Variants in PJA1 observed in about 807,000 individuals in gnomAD.
The protein encoded by PJA1 is E3 ubiquitin-protein ligase Praja-1.
A neutral mutation model predicts 14.1 loss-of-function variants in PJA1; 5 were observed. That is an observed-to-expected ratio of 0.35 (90% confidence interval 0.18 to 0.74). The LOEUF (loss-of-function observed/expected upper bound fraction) is 0.74, where lower values mean the gene tolerates loss of function less well. PJA1 is among the 30% of genes least tolerant of loss of function. The probability of loss-of-function intolerance (pLI) is 0.56; values close to 1 mark genes in which losing one functional copy is unlikely to be tolerated. For missense variants in PJA1, 394 were observed against 482.6 expected, an observed-to-expected ratio of 0.82 and a Z score of 1.72; for synonymous variants, 174 against 190.9, an observed-to-expected ratio of 0.91 and a Z score of 0.73.
intron 1 of PJA1, 135 bp from the exon 2 acceptor site, chrX:69,163,275 C>T: frequency 2.6e-6 from 3 of 1,175,889 alleles, no homozygotes; most frequent in Non-Finnish European, 3.4e-6. Context: ...ACAGCTGGGG[C>T]TCGGGTAGGA....
chrX:69,164,035 G>A (rs1347081343), intron 1 of PJA1, among the ~76,000 whole-genome samples: 1 of 110,493 alleles, frequency 9.1e-6, no homozygotes, highest in Non-Finnish European at 1.9e-5. Context: ...GTTGGCAATG[G>A]AGAGGAGTGT....
At position 69,161,989 on chromosome X, in the gene PJA1, G is replaced by A. The variant is rs144546602; in HGVS notation, c.1085C>T (p.Pro362Leu). 5.5e-5 allele frequency: 67 copies of A among 1,207,887 alleles called. 1 individual carries two copies. The African/African-American group carries it at 1.1e-3, about 20-fold the overall frequency. Residue 362 changes from proline (P) to leucine (L), a missense_variant, in exon 2 of 2, where the codon CCT becomes CTT. By Grantham distance (98) the Pro-to-Leu change is moderately conservative. Around this residue, in one of 2 missense-constraint regions of PJA1, gnomAD observed 378 missense variants for 439.3 expected, o/e 0.86. Coordinates refer to ENST00000374571, the MANE Select transcript of PJA1 (RefSeq NM_001032396.4). ...AKVSASTGTSPGPGASASAGA... is the reference protein window; with the variant it reads ...AKVSASTGTSLGPGASASAGA... Reference sequence around the variant, plus strand: ...GGCACTGGCACTAGCACCGGGGCCAGGGCTGGTGCCAGTGCTGGCACTCAC... The same window carrying A: ...GGCACTGGCACTAGCACCGGGGCCAAGGCTGGTGCCAGTGCTGGCACTCAC...
intron 1 of PJA1, among the ~76,000 whole-genome samples, chrX:69,164,985 G>C (rs973706928): frequency 3.6e-5 from 4 of 111,831 alleles, no homozygotes. Flanking sequence ...AATATGGGAA[G>C]AAAGGCCACG....
rs143670774 is a variant in PJA1, at chrX:69,161,954, C to T, written c.1120G>A (p.Ala374Thr). 11,884 of 1,207,340 alleles carry T rather than the reference C, an allele frequency of 9.8e-3. 45 individuals carry two copies. Among genetic ancestry groups the T allele is most frequent in the Middle Eastern group, 0.015 (67 of 4,341 alleles). The change falls in exon 2 of 2, where the codon GCC becomes ACC. Residue 374 changes from alanine (A) to threonine (T), a missense_variant. Physicochemically the swap from Ala to Thr is moderately conservative, Grantham distance 58. Around this residue, in one of 2 missense-constraint regions of PJA1, gnomAD observed 378 missense variants for 439.3 expected, o/e 0.86. Transcript: ENST00000374571. ...PGASASAGAGAGASAGSNGSN... is the reference protein window; with the variant it reads ...PGASASAGAGTGASAGSNGSN... ...CCATTGCTGCCAGCACTGGCCCCGG[C>T]GCCAGCCCCGGCACTGGCACTAGCA... is the stretch of plus-strand genomic sequence containing the variant.
chrX:69,163,569 G>T (rs1045502664), intron 1 of PJA1: 16 of 241,886 alleles, frequency 6.6e-5, no homozygotes, highest in African/African-American at 4.0e-4. Flanking sequence ...GTGACTGGAC[G>T]CTTGGAAGGT....
chrX:69,161,628 G>A lies in PJA1; in HGVS notation c.1446C>T (p.Tyr482=). Reference sequence around the variant, plus strand: ...GGGCCAGGCGTTCTTCAAGTGCCATGTAGGTGAGGAACTGAGGGTCCACAT... The same window carrying A: ...GGGCCAGGCGTTCTTCAAGTGCCATATAGGTGAGGAACTGAGGGTCCACAT... ...ISYVDPQFLT[Y]MALEERLAQA... is the part of the protein sequence containing the mutation. Residue 482 remains tyrosine (Y), a synonymous_variant, in exon 2 of 2, where the codon TAC becomes TAT. Transcript: ENST00000374571. 1 of 1,211,697 alleles carries A rather than the reference G, an allele frequency of 8.3e-7. No individual in the cohort carries two copies. The highest frequency in any genetic ancestry group is 1.1e-6 in the Non-Finnish European group (1 of 895,546).
rs376896663 is a variant in PJA1, at chrX:69,162,458, T to C, written c.616A>G (p.Arg206Gly). The stretch of plus-strand genomic sequence containing the variant: ...ACGCAGTTTGGACTTGCCAGGTTTC[T>C]GATTTTGGGCCTGACCACAGGTTCC... ...AEEPVVRPKI[R>G]NLASPNCVKP... is the part of the protein sequence containing the mutation. Residue 206 changes from arginine (R) to glycine (G), a missense_variant, in exon 2 of 2, where the codon AGA becomes GGA. Arg to Gly is a moderately radical substitution (Grantham distance 125). Transcript: ENST00000374571. 1.7e-6 allele frequency: 2 copies of C among 1,211,927 alleles called. No homozygotes were observed. The highest frequency in any genetic ancestry group is 2.2e-6 in the Non-Finnish European group (2 of 895,603).
At position 69,161,550 on chromosome X, in the gene PJA1, C is replaced by T. The variant is rs1925020040; in HGVS notation, c.1524G>A (p.Glu508=). Residue 508 remains glutamate, a synonymous_variant, in exon 2 of 2, where the codon GAG becomes GAA. Transcript: ENST00000374571. The stretch of plus-strand genomic sequence containing the variant: ...CCTTGCTTGCTGGTGGATTGGCCAC[C>T]TCTACATCCACTGCGAGAGACTCCA... ...AHLESLAVDV[E]VANPPASKES... 1 of 1,209,859 alleles carries T rather than the reference C, an allele frequency of 8.3e-7. No homozygotes were observed. Among genetic ancestry groups the T allele is most frequent in the African/African-American group, 1.8e-5 (1 of 57,036 alleles).
Position 69,161,314 on chromosome X carries a change from G to A in PJA1, c.1760C>T (p.Pro587Leu), listed in dbSNP as rs1392599014. The change falls in exon 2 of 2, where the codon CCA (proline) becomes CTA (leucine). Residue 587 changes from proline to leucine, a missense_variant. Pro to Leu is a moderately conservative substitution (Grantham distance 98). Coordinates refer to ENST00000374571, the MANE Select transcript of PJA1 (RefSeq NM_001032396.4). ...CPVCRCMFPP[P>L]L Reference sequence around the variant, plus strand: ...AGTAAACGGCCTTGGTCTTTAGAGTGGGGGAGGGAACATGCAGCGGCACAC... The same window carrying A: ...AGTAAACGGCCTTGGTCTTTAGAGTAGGGGAGGGAACATGCAGCGGCACAC... 2.6e-6 allele frequency: 3 copies of A among 1,169,284 alleles called. No individual in the cohort carries two copies. Among genetic ancestry groups the A allele is most frequent in the Admixed American group, 4.7e-5 (2 of 42,449 alleles).
chrX:69,161,570 A>G lies in PJA1; in HGVS notation c.1504T>C (p.Ser502Pro). ...GCCACCTCTACATCCACTGCGAGAG[A>G]CTCCAAGTGCGCAAGGGCAGTTTCC... ...AMETALAHLESLAVDVEVANP... is the reference protein window; with the variant it reads ...AMETALAHLEPLAVDVEVANP... The change falls in exon 2 of 2, where the codon TCT becomes CCT. Residue 502 changes from serine to proline, a missense_variant. Transcript: ENST00000374571. The G allele has an allele frequency of 8.3e-7, 1 of 1,209,777 alleles. No individual in the cohort carries two copies. Among genetic ancestry groups the G allele is most frequent in the Non-Finnish European group, 1.1e-6 (1 of 894,916 alleles).
At chrX:69,165,075 A>T (rs374391094) in intron 1 of PJA1, among the ~76,000 whole-genome samples, 316 of 111,122 alleles carry the variant, frequency 2.8e-3, no homozygotes, top group Middle Eastern at 0.023. Context: ...GAGGGCCGCG[A>T]CCACCACTGC....
Position 69,162,128 on chromosome X carries a change from A to T in PJA1, c.946T>A (p.Trp316Arg). ...CDEDSDSDKE[W>R]IAALRRKYRS... ...TATTTCCGACGCAGAGCAGCAATCC[A>T]CTCTTTGTCACTGTCAGAGTCTTCG... The change falls in exon 2 of 2, where the codon TGG becomes AGG. Residue 316 changes from tryptophan (W) to arginine (R), a missense_variant. By Grantham distance (101) the Trp-to-Arg change is moderately radical (BLOSUM62 -3). Transcript: ENST00000374571. 1.7e-6 allele frequency: 2 copies of T among 1,210,676 alleles called. No homozygotes were observed. The highest frequency in any genetic ancestry group is 1.1e-6 in the Non-Finnish European group (1 of 895,253).
chrX:69,164,884 A>T (rs1023637319), intron 1 of PJA1, among the ~76,000 whole-genome samples: 16 of 111,484 alleles, frequency 1.4e-4, no homozygotes, highest in African/African-American at 4.9e-4. Context: ...TTTCCCTGAG[A>T]ATAATTATTT....
At position 69,162,113 on chromosome X, in the gene PJA1, G is replaced by A. The variant is rs745369655; in HGVS notation, c.961C>T (p.Arg321Cys). Reference protein sequence around the residue: ...DSDKEWIAALRRKYRSREQTL... With the variant: ...DSDKEWIAALCRKYRSREQTL... ...TGCTCTCGGCTTCGATATTTCCGAC[G>A]CAGAGCAGCAATCCACTCTTTGTCA... Residue 321 changes from arginine (R) to cysteine (C), a missense_variant, in exon 2 of 2, where the codon CGT (arginine) becomes TGT (cysteine). By Grantham distance (180) the Arg-to-Cys change is radical. Coordinates refer to ENST00000374571, the MANE Select transcript of PJA1 (RefSeq NM_001032396.4). 3.9e-5 allele frequency: 47 copies of A among 1,208,991 alleles called. No individual in the cohort carries two copies. In the East Asian group the frequency reaches 4.8e-4, roughly 12 times the overall value.
Position 69,162,550 on chromosome X carries a change from G to GT in PJA1, c.523_524insA (p.Pro175HisfsTer47). The GT allele has an allele frequency of 8.3e-7, 1 of 1,211,612 alleles. No homozygotes were observed. Among genetic ancestry groups the GT allele is most frequent in the African/African-American group, 1.7e-5 (1 of 57,696 alleles). Reference sequence around the variant, plus strand: ...CACAGGAGCCCTGCTGGGACGTGCAGGTAAATTTTGCTCCCTTCTCTCCCT... The same window carrying GT: ...CACAGGAGCCCTGCTGGGACGTGCAGTGTAAATTTTGCTCCCTTCTCTCCCT... On this transcript the variant is annotated frameshift_variant, in exon 2 of 2. Coordinates refer to ENST00000374571, the MANE Select transcript of PJA1 (RefSeq NM_001032396.4). LOFTEE classifies it low-confidence loss of function (END_TRUNC).
intron 1 of PJA1, among the ~76,000 whole-genome samples, chrX:69,164,816 C>G (rs1355564820): frequency 1.8e-5 from 2 of 110,558 alleles, no homozygotes; most frequent in Non-Finnish European, 3.8e-5. Context: ...ACGGGAGACC[C>G]CAACCGATGT....
Position 69,161,975 on chromosome X carries a change from T to TAGCACC in PJA1, c.1093_1098dup (p.Gly365_Ala366dup), listed in dbSNP as rs1212122149. ...CCGGCGCCAGCCCCGGCACTGGCACTAGCACCGGGGCCAGGGCTGGTGCCA... is the reference window on the plus strand; with the variant it reads ...CCGGCGCCAGCCCCGGCACTGGCACTAGCACCAGCACCGGGGCCAGGGCTGGTGCCA... On this transcript the variant is annotated inframe_insertion, in exon 2 of 2. Transcript: ENST00000374571. 1.7e-6 allele frequency: 2 copies of TAGCACC among 1,207,450 alleles called. No individual in the cohort carries two copies.
chrX:69,161,075 A>T lies in PJA1; in HGVS notation c.*232T>A. 1 of 415,999 alleles carries T rather than the reference A, an allele frequency of 2.4e-6. No homozygotes were observed. Among genetic ancestry groups the T allele is most frequent in the Non-Finnish European group, 3.7e-6 (1 of 271,815 alleles). The allele number at this position is 415,999 out of a possible 1,213,427, so 34.3% of individuals were successfully genotyped here. ...AACGTATCTTCTTACTGCAATCTCA[A>T]GTAGCATTTAGAAAGTTTAGTTTTC... On this transcript the variant is annotated 3_prime_UTR_variant, in exon 2 of 2. Coordinates refer to ENST00000374571, the MANE Select transcript of PJA1 (RefSeq NM_001032396.4).
rs1311751608 is a variant in PJA1, at chrX:69,161,177, G to A, written c.*130C>T. 81 of 911,866 alleles carry A rather than the reference G, an allele frequency of 8.9e-5. No individual in the cohort carries two copies. The highest frequency in any genetic ancestry group is 1.1e-4 in the Non-Finnish European group (74 of 694,313). The allele number at this position is 911,866 out of a possible 1,213,427, so 75.1% of individuals were successfully genotyped here. A position where few individuals can be genotyped will look rare whatever the true frequency, so the allele number is the denominator to read the frequency against. ...CTGTTTTCACATTGGAAATAATCACGAGGAATCAATAGGTTTAGGCTAACT... is the reference window on the plus strand; with the variant it reads ...CTGTTTTCACATTGGAAATAATCACAAGGAATCAATAGGTTTAGGCTAACT... On this transcript the variant is annotated 3_prime_UTR_variant, in exon 2 of 2. Coordinates refer to ENST00000374571, the MANE Select transcript of PJA1 (RefSeq NM_001032396.4).
Sources: gnomAD v4.1 joint callset for allele counts (sites outside exome capture counted in the v4.1 genomes callset) on GRCh38, gnomAD v4.1.1 for gene constraint, gnomAD v4.1.1 regional missense constraint, MANE v1.5 for transcripts, NCBI Gene and HGNC (gene_info 2026-07-23, HGNC 2026-07-21) for gene names.